Variants in RPAP2 observed in about 807,000 individuals in gnomAD.
RPAP2 encodes RNA polymerase II associated protein 2, also known as putative RNA polymerase II subunit B1 CTD phosphatase RPAP2.
In RPAP2, 52 loss-of-function variants were observed where a neutral mutation model predicts 73.1. The ratio of observed to expected loss-of-function variants is 0.71; its 90% CI spans 0.57 to 0.90. The LOEUF is 0.90. Ranked by LOEUF, RPAP2 falls within the 40% of genes least tolerant of loss-of-function variation. The pLI is 0.00. For synonymous variants in RPAP2, 225 were observed against 242.1 expected (o/e 0.93, Z 0.65); for missense variants, 598 against 701.8 (o/e 0.85, Z 1.67).
At position 92,392,444 on chromosome 1, in the gene RPAP2, A is replaced by C. The variant is rs1177474826; in HGVS notation, c.*5433A>C. The stretch of plus-strand genomic sequence containing the variant: ...GCCAATAGCATACTGAATGGGCAAA[A>C]GCTGGAAGCATTTCCTTTGAAGACC... On this transcript the variant is annotated 3_prime_UTR_variant, in exon 13 of 13. Transcript: ENST00000610020. The C allele has an allele frequency of 6.6e-6, 1 of 152,238 alleles. No homozygotes were observed. Among genetic ancestry groups the C allele is most frequent in the Non-Finnish European group, 1.5e-5 (1 of 68,040 alleles). 9.4% of individuals were successfully genotyped at this position (152,238 alleles called of 1,614,324 possible).
intron 10 of RPAP2, among the ~76,000 whole-genome samples, chr1:92,339,905 A>G (rs35166258): frequency 0.048 from 7,354 of 152,210 alleles, 612 homozygotes; most frequent in African/African-American, 0.17. Flanking sequence ...ATTATATGAC[A>G]TCTGAGATTT....
intron 11 of RPAP2, among the ~76,000 whole-genome samples, chr1:92,365,040 A>G (rs1654882092): frequency 6.6e-6 from 1 of 152,152 alleles, no homozygotes; most frequent in Non-Finnish European, 1.5e-5. Context: ...CTTCAATAGG[A>G]CTTGACCTAT....
rs749041926 is a variant in RPAP2, at chr1:92,304,106, C to A, written c.333+31C>A. 9 of 1,469,560 alleles carry A rather than the reference C, an allele frequency of 6.1e-6. No individual in the cohort carries two copies. In the South Asian group the frequency reaches 9.7e-5, roughly 16 times the overall value. 91.0% of individuals were successfully genotyped at this position (1,469,560 alleles called of 1,614,324 possible). ...TAACTCATTTTTTTTAAAATATAGG[C>A]TTTTATTATTTTCATTTAGCAAAAT... On this transcript the variant is annotated intron_variant, in intron 4 of 12. Coordinates refer to ENST00000610020, the MANE Select transcript of RPAP2 (RefSeq NM_024813.3).
At chr1:92,371,731 A>T (rs971209771) in intron 11 of RPAP2, among the ~76,000 whole-genome samples, 3 of 147,310 alleles carry the variant, frequency 2.0e-5, no homozygotes, top group Admixed American at 1.4e-4. Flanking sequence ...GTGGAATCTT[A>T]AAAAAAAAAC....
intron 12 of RPAP2, among the ~76,000 whole-genome samples, chr1:92,383,086 C>T (rs1309448471): frequency 5.3e-5 from 8 of 152,008 alleles, no homozygotes; most frequent in East Asian, 1.9e-4. Context: ...TGCAGATATG[C>T]GGCATTATTT....
At chr1:92,326,002 T>G (rs1652602323) in intron 8 of RPAP2, among the ~76,000 whole-genome samples, 1 of 152,120 alleles carries the variant, frequency 6.6e-6, no homozygotes, top group Non-Finnish European at 1.5e-5. Flanking sequence ...CTTTCTCGTA[T>G]TTATCTCTCT....
chr1:92,346,826 G>A (rs946618926), intron 11 of RPAP2, among the ~76,000 whole-genome samples: 1 of 152,082 alleles, frequency 6.6e-6, no homozygotes, highest in African/African-American at 2.4e-5. Flanking sequence ...TTTTCAGCTT[G>A]AATTGTAAAA....
chr1:92,377,468 A>C (rs1173438244), intron 11 of RPAP2, among the ~76,000 whole-genome samples: 1 of 149,260 alleles, frequency 6.7e-6, no homozygotes, highest in East Asian at 2.0e-4. Flanking sequence ...CAGTGAGCCA[A>C]GATCGTGCCA....
intron 8 of RPAP2, 168 bp from the exon 9 acceptor site, chr1:92,333,223 C>G: frequency 1.7e-6 from 1 of 575,772 alleles, no homozygotes; most frequent in Non-Finnish European, 3.1e-6. Flanking sequence ...TTCACAACAG[C>G]CTAACAACTG....
Position 92,401,912 on chromosome 1 carries a change from C to A in RPAP2, c.*14901C>A, listed in dbSNP as rs1656325633. ...GACCCACTGATCATGATGCATTTTC[C>A]TCTTTGTAAATTGCTGTATTCATTT... On this transcript the variant is annotated 3_prime_UTR_variant, in exon 13 of 13. Transcript: ENST00000610020. 1 of 152,092 alleles carries A rather than the reference C, an allele frequency of 6.6e-6. No homozygotes were observed. The highest frequency in any genetic ancestry group is 1.5e-5 in the Non-Finnish European group (1 of 68,022). 9.4% of individuals were successfully genotyped at this position (152,092 alleles called of 1,614,324 possible).
At chr1:92,307,352 GAGTA>G (rs1651311642) in intron 6 of RPAP2, 76 bp downstream of exon 6, 2 of 978,674 alleles carry the variant, frequency 2.0e-6, no homozygotes, top group Non-Finnish European at 3.0e-6. Flanking sequence ...GATTAGCTGA[GAGTA>G]AGTCTAGTTT....
rs762109345 is a variant in RPAP2, at chr1:92,333,459, A to G, written c.1524A>G (p.Glu508=). 1 of 1,611,660 alleles carries G rather than the reference A, an allele frequency of 6.2e-7. No homozygotes were observed. The highest frequency in any genetic ancestry group is 2.2e-5 in the East Asian group (1 of 44,790). Residue 508 remains glutamate (E), a synonymous_variant, in exon 9 of 13, where the codon GAA becomes GAG. Coordinates refer to ENST00000610020, the MANE Select transcript of RPAP2 (RefSeq NM_024813.3). ...AGATTAGAAAACGCATCGTACTTGA[A>G]AAGTTGAGTAAAGTGTAAGTATGTA... ...QNQIRKRIVL[E]KLSKVLPGLL...
chr1:92,311,148 T>A lies in RPAP2; in HGVS notation c.488+3872T>A, dbSNP rs12410512. On this transcript the variant is annotated intron_variant, in intron 6 of 12. Transcript: ENST00000610020. ...GATCTGCAGTTTGAAGAGCGCTGTT[T>A]TGTTGGATTTAGCTCACGTTTTTGG... 4.8e-3 allele frequency among the ~76,000 whole-genome samples: 730 copies of A among 152,316 alleles called. 23 individuals are homozygous for A. The highest frequency in any genetic ancestry group is 0.042 in the Admixed American group (640 of 15,294).
intron 11 of RPAP2, among the ~76,000 whole-genome samples, chr1:92,361,371 A>G (rs915238752): frequency 6.6e-6 from 1 of 152,126 alleles, no homozygotes; most frequent in Non-Finnish European, 1.5e-5. Flanking sequence ...GCACTTAGTA[A>G]GCATTCAGTG....
chr1:92,378,785 T>C (rs1655496680), intron 11 of RPAP2, among the ~76,000 whole-genome samples: 1 of 152,232 alleles, frequency 6.6e-6, no homozygotes, highest in Admixed American at 6.5e-5. Flanking sequence ...TATACCCAGC[T>C]TGGGCTTGGC....
At chr1:92,306,482 G>A (rs1651243717) in intron 5 of RPAP2, among the ~76,000 whole-genome samples, 1 of 152,188 alleles carries the variant, frequency 6.6e-6, no homozygotes, top group Non-Finnish European at 1.5e-5. Context: ...AAATGGTAAA[G>A]TGTAATACTC....
At chr1:92,378,128 T>A (rs925858009) in intron 11 of RPAP2, among the ~76,000 whole-genome samples, 2 of 152,202 alleles carry the variant, frequency 1.3e-5, no homozygotes, top group Non-Finnish European at 2.9e-5. Flanking sequence ...CAAATACTAA[T>A]CTCCTTGAAA....
At chr1:92,339,555 A>G (rs1653486478) in intron 10 of RPAP2, among the ~76,000 whole-genome samples, 1 of 152,130 alleles carries the variant, frequency 6.6e-6, no homozygotes, top group Non-Finnish European at 1.5e-5. Flanking sequence ...CAGCCAGTCA[A>G]TAATTTTAGA....
intron 11 of RPAP2, among the ~76,000 whole-genome samples, chr1:92,368,435 A>G (rs1655016907): frequency 6.6e-6 from 1 of 152,198 alleles, no homozygotes; most frequent in Non-Finnish European, 1.5e-5. Context: ...CACGAGATAA[A>G]AAACATAGAG....
Sources: allele counts gnomAD v4.1 joint callset (sites outside exome capture counted in the v4.1 genomes callset), GRCh38; gene constraint gnomAD v4.1.1; transcripts MANE v1.5; gene names NCBI Gene and HGNC (gene_info 2026-07-23, HGNC 2026-07-21).